Variants in MORC1 observed in about 807,000 individuals in gnomAD.
The protein encoded by MORC1 is MORC family CW-type zinc finger protein 1.
A neutral mutation model predicts 134.9 loss-of-function variants in MORC1; 59 were observed. The observed-to-expected ratio is 0.44, with a 90% confidence interval of 0.35 to 0.54. The LOEUF (loss-of-function observed/expected upper bound fraction) is 0.54, where lower values mean the gene tolerates loss of function less well. MORC1 is among the 20% of genes least tolerant of loss of function. MORC1 has a pLI of 0.00. For synonymous variants in MORC1, 395 were observed against 391.7 expected (o/e 1.01, Z -0.10); for missense variants, 947 against 1,134.5 (o/e 0.83, Z 2.37).
chr3:109,063,180 A>C lies in MORC1; in HGVS notation c.867T>G (p.Val289=). Residue 289 remains valine, a synonymous_variant, in exon 10 of 28, where the codon GTT becomes GTG. Coordinates refer to ENST00000232603, the MANE Select transcript of MORC1 (RefSeq NM_014429.4). The stretch of plus-strand genomic sequence containing the variant: ...TCTTTACTGCTTCTTCTGCCTTTTT[A>C]ACTTCATCTTTAAATGCTCCTTTAA... ...SSFKGAFKDE[V]KKAEEAVKIA... is the part of the protein sequence containing the mutation. 6.2e-7 allele frequency: 1 copy of C among 1,603,172 alleles called. No individual in the cohort carries two copies. The highest frequency in any genetic ancestry group is 8.5e-7 in the Non-Finnish European group (1 of 1,171,152).
chr3:109,118,091 G>T lies in MORC1; in HGVS notation c.-32C>A, dbSNP rs1422251913. On this transcript the variant is annotated 5_prime_UTR_variant, in exon 1 of 28. Coordinates refer to ENST00000232603, the MANE Select transcript of MORC1 (RefSeq NM_014429.4). ...GAACACGACCCGCGCAACTCAAGGG[G>T]ACAAGGACACCTGACCGGCAGCCGT... 5 of 1,592,488 alleles carry T rather than the reference G, an allele frequency of 3.1e-6. No individual in the cohort carries two copies. Among genetic ancestry groups the T allele is most frequent in the Non-Finnish European group, 4.3e-6 (5 of 1,168,356 alleles).
At chr3:109,012,344 A>G (rs937762321) in intron 17 of MORC1, among the ~76,000 whole-genome samples, 1 of 152,178 alleles carries the variant, frequency 6.6e-6, no homozygotes, top group Admixed American at 6.5e-5. Flanking sequence ...TGACTTAATT[A>G]CAGTTTTATT....
At chr3:109,051,698 C>T (rs1949835110) in intron 14 of MORC1, among the ~76,000 whole-genome samples, 1 of 151,958 alleles carries the variant, frequency 6.6e-6, no homozygotes, top group Non-Finnish European at 1.5e-5. Flanking sequence ...AATAAAAACA[C>T]AAATATATTT....
In MORC1 at chr3:108,963,424, T is replaced by A. The variant is rs148974638; in HGVS notation, c.2789A>T (p.Lys930Ile). 6.2e-7 allele frequency: 1 copy of A among 1,610,102 alleles called. No individual in the cohort carries two copies. The highest frequency in any genetic ancestry group is 1.3e-5 in the African/African-American group (1 of 74,554). The change falls in exon 27 of 28, where the codon AAA (lysine) becomes ATA (isoleucine). Residue 930 changes from lysine to isoleucine, a missense_variant. Coordinates refer to ENST00000232603, the MANE Select transcript of MORC1 (RefSeq NM_014429.4). ...LRIKLALLLQ[K>I]LQLGGPEGDL... ...AACTTTTTCACTCACCAGTTGGAGT[T>A]TCTGCAACAATAGTGCCAGTTTTAT...
In MORC1 at chr3:109,000,601, C is replaced by T; in HGVS notation, c.2143G>A (p.Val715Ile). Reference protein sequence around the residue: ...QSLNFVEECKVLTEDENTSDS... With the variant: ...QSLNFVEECKILTEDENTSDS... ...CTCGTGTTCTCATCTTCAGTCAATA[C>T]CTTACATTCCTCTACAAAGTTCAGA... is the stretch of plus-strand genomic sequence containing the variant. The change falls in exon 21 of 28, where the codon GTA (valine) becomes ATA (isoleucine). Residue 715 changes from valine to isoleucine, a missense_variant. Val to Ile is a conservative substitution (Grantham distance 29, BLOSUM62 3). This residue lies in a region of MORC1 where 722 missense variants were observed against 817.0 expected (regional missense o/e 0.88). Transcript: ENST00000232603. 1 of 1,611,564 alleles carries T rather than the reference C, an allele frequency of 6.2e-7. No homozygotes were observed. Among genetic ancestry groups the T allele is most frequent in the African/African-American group, 1.3e-5 (1 of 74,970 alleles).
intron 17 of MORC1, among the ~76,000 whole-genome samples, chr3:109,024,915 C>T (rs923462075): frequency 3.3e-5 from 5 of 152,180 alleles, no homozygotes; most frequent in Non-Finnish European, 4.4e-5. Flanking sequence ...AAAACTACTT[C>T]TAAAGGGTTT....
rs755305122 is a variant in MORC1 at position 109,030,447 on chromosome 3, C to G, written c.1565+2273G>C. ...ATCTACATCACTGTTAAGGAGCTCC[C>G]ATGAAGGAAGTGCCAAATCTCAATT... is the stretch of plus-strand genomic sequence containing the variant. On this transcript the variant is annotated intron_variant, in intron 16 of 27. Transcript: ENST00000232603. Among the ~76,000 whole-genome samples the G allele has an allele frequency of 3.0e-4, 45 of 152,266 alleles. No homozygotes were observed. In the South Asian group the frequency reaches 4.4e-3, roughly 15 times the overall value.
At chr3:109,019,576 G>A (rs1250267638) in intron 17 of MORC1, among the ~76,000 whole-genome samples, 1 of 152,084 alleles carries the variant, frequency 6.6e-6, no homozygotes, top group Non-Finnish European at 1.5e-5. Flanking sequence ...GTAATAGAAT[G>A]AGGGGTCTGG....
intron 17 of MORC1, among the ~76,000 whole-genome samples, chr3:109,011,751 C>T (rs1268604027): frequency 6.6e-6 from 1 of 152,122 alleles, no homozygotes; most frequent in African/African-American, 2.4e-5. Flanking sequence ...GAACTCCCAA[C>T]GTCAGGTGAT....
chr3:108,975,205 AAGCCT>A (rs746384529), intron 24 of MORC1, among the ~76,000 whole-genome samples: 4 of 152,340 alleles, frequency 2.6e-5, no homozygotes, highest in Non-Finnish European at 5.9e-5. Context: ...GGAGAAGAGC[AAGCCT>A]CCTACTGGAG....
chr3:109,075,492 G>A (rs1484795843), intron 8 of MORC1, among the ~76,000 whole-genome samples: 1 of 152,094 alleles, frequency 6.6e-6, no homozygotes, highest in Non-Finnish European at 1.5e-5. Flanking sequence ...GTAAGAAAGG[G>A]GTCCAGTTTC....
rs545495768 is a variant in MORC1, at chr3:109,016,756, G to A, written c.1705-9665C>T. 6.6e-5 allele frequency among the ~76,000 whole-genome samples: 10 copies of A among 152,178 alleles called. No individual in the cohort carries two copies. The East Asian group carries it at 9.7e-4, about 15-fold the overall frequency. ...GCGGGCGCCTGTAATCCCAGCTACT[G>A]GGGAAGCTGAGGCAGGAGAATCGCT... On this transcript the variant is annotated intron_variant, in intron 17 of 27. Transcript: ENST00000232603.
At chr3:109,102,301 T>C (rs1014909936) in intron 4 of MORC1, among the ~76,000 whole-genome samples, 54 of 151,930 alleles carry the variant, frequency 3.6e-4, no homozygotes, top group Non-Finnish European at 1.0e-4. Flanking sequence ...GGCCAAATAA[T>C]GTAAGGTCTT....
chr3:109,085,920 T>C (rs1364610421), intron 8 of MORC1, among the ~76,000 whole-genome samples: 2 of 152,034 alleles, frequency 1.3e-5, no homozygotes, highest in Non-Finnish European at 2.9e-5. Context: ...CATAAAAAAG[T>C]ATGAAATCCT....
In MORC1 at chr3:109,063,239, G is replaced by A. The variant is rs1430810890; in HGVS notation, c.816-8C>T. On this transcript the variant is annotated splice_region_variant and splice_polypyrimidine_tract_variant and intron_variant, in intron 9 of 27. Transcript: ENST00000232603. ...GTGACATAAAGATACTTTCTGGAAA[G>A]AAACAAAAAGAACATAATCAAGTCA... 6.6e-7 allele frequency: 1 copy of A among 1,512,720 alleles called. No homozygotes were observed. The allele number at this position is 1,512,720 out of a possible 1,614,324, so 93.7% of individuals were successfully genotyped here. A position where few individuals can be genotyped will look rare whatever the true frequency, so the allele number is the denominator to read the frequency against.
At chr3:109,034,753 TAA>T (rs1949334370) in intron 15 of MORC1, among the ~76,000 whole-genome samples, 1 of 152,120 alleles carries the variant, frequency 6.6e-6, no homozygotes, top group South Asian at 2.1e-4. Context: ...TTTAATTAAT[TAA>T]TTTATTTTTT....
intron 17 of MORC1, 113 bp from the exon 18 acceptor site, chr3:109,007,204 C>T: frequency 1.4e-6 from 1 of 728,086 alleles, no homozygotes; most frequent in Non-Finnish European, 2.3e-6. Flanking sequence ...GATAGCAAAC[C>T]CTCATGAATA....
At chr3:109,112,982 C>T (rs1023531262) in intron 2 of MORC1, among the ~76,000 whole-genome samples, 3 of 152,222 alleles carry the variant, frequency 2.0e-5, no homozygotes, top group East Asian at 3.8e-4. Flanking sequence ...ACTTCTTCCA[C>T]ATTCTGATTT....
intron 8 of MORC1, among the ~76,000 whole-genome samples, chr3:109,081,996 A>G (rs928048577): frequency 3.3e-5 from 5 of 152,112 alleles, no homozygotes; most frequent in Non-Finnish European, 7.4e-5. Context: ...TACTGTCCTC[A>G]GCCCTGGAAA....
Sources: allele counts gnomAD v4.1 joint callset (sites outside exome capture counted in the v4.1 genomes callset), GRCh38; gene constraint gnomAD v4.1.1; regional missense constraint gnomAD v4.1.1; transcripts MANE v1.5; gene names NCBI Gene and HGNC (gene_info 2026-07-23, HGNC 2026-07-21).